The following PRKG1 variants were observed in gnomAD, a reference collection of about 807,000 sequenced individuals.
The protein encoded by PRKG1 is protein kinase cGMP-dependent 1.
A neutral mutation model predicts 88.1 loss-of-function variants in PRKG1; 35 were observed. That is an observed-to-expected ratio of 0.40 (90% CI 0.30 to 0.53). The LOEUF (loss-of-function observed/expected upper bound fraction) is 0.53. Among genes scored for constraint, PRKG1 ranks in the 20% least tolerant of loss-of-function variants. The probability of loss-of-function intolerance (pLI) is 0.59; values close to 1 mark genes in which losing one functional copy is unlikely to be tolerated. For missense variants in PRKG1, 540 were observed against 839.8 expected (o/e 0.64, Z 4.41); for synonymous variants, 303 against 292.5 (o/e 1.04, Z -0.37).
At chr10:52,255,241 T>C (rs1841280334) in intron 10 of PRKG1, among the ~76,000 whole-genome samples, 1 of 152,112 alleles carries the variant, frequency 6.6e-6, no homozygotes, top group Non-Finnish European at 1.5e-5. Flanking sequence ...AAAGTATAAC[T>C]GTAAAATAAG....
chr10:51,006,381 T>C (rs1022073830), intron 1 of PRKG1, among the ~76,000 whole-genome samples: 1 of 152,218 alleles, frequency 6.6e-6, no homozygotes, highest in Non-Finnish European at 1.5e-5. Flanking sequence ...AGCTCATGCA[T>C]GTAATAGATT....
intron 8 of PRKG1, among the ~76,000 whole-genome samples, chr10:52,147,888 T>C (rs1837776999): frequency 6.6e-6 from 1 of 152,084 alleles, no homozygotes; most frequent in Admixed American, 6.6e-5. Context: ...TTAATACAGT[T>C]ATGGTTAGGT....
At chr10:51,698,890 C>CCCAGGG (rs575311852) in intron 3 of PRKG1, 362 of 1,613,934 alleles carry the variant, frequency 2.2e-4, no homozygotes, top group South Asian at 1.1e-3. Context: ...CTGGGCAGAG[C>CCCAGGG]CCAGGGCCAG....
chr10:51,166,150 C>T (rs1177225768), intron 2 of PRKG1, among the ~76,000 whole-genome samples: 1 of 151,394 alleles, frequency 6.6e-6, no homozygotes, highest in Non-Finnish European at 1.5e-5. Flanking sequence ...ATTGCTGATA[C>T]AGATTTATGC....
chr10:51,033,160 C>T (rs57093122), intron 1 of PRKG1, among the ~76,000 whole-genome samples: 4,901 of 152,206 alleles, frequency 0.032, 257 homozygotes, highest in African/African-American at 0.11. Context: ...TATTAAGCCT[C>T]AGTCTCCTAT....
intron 2 of PRKG1, among the ~76,000 whole-genome samples, chr10:51,417,854 G>A (rs1463138228): frequency 7.9e-5 from 12 of 152,096 alleles, no homozygotes; most frequent in Admixed American, 7.9e-4. Context: ...GTATCTCTTG[G>A]TTGGATGAGA....
chr10:51,566,157 A>T (rs1837597884), intron 3 of PRKG1, among the ~76,000 whole-genome samples: 1 of 152,092 alleles, frequency 6.6e-6, no homozygotes, highest in Admixed American at 6.6e-5. Context: ...GGAGGGAGAA[A>T]TTATGGCACA....
chr10:51,647,389 C>T (rs988631676), intron 3 of PRKG1, among the ~76,000 whole-genome samples: 8 of 152,190 alleles, frequency 5.3e-5, no homozygotes, highest in Non-Finnish European at 1.0e-4. Flanking sequence ...AGTATTTGAA[C>T]TTGCCTAACA....
intron 8 of PRKG1, among the ~76,000 whole-genome samples, chr10:52,153,073 G>A (rs970823710): frequency 1.3e-5 from 2 of 152,140 alleles, no homozygotes; most frequent in Admixed American, 1.3e-4. Flanking sequence ...ATATAGGTGG[G>A]GGTGAGAGAG....
intron 6 of PRKG1, among the ~76,000 whole-genome samples, chr10:52,056,033 A>G (rs1846103184): frequency 6.6e-6 from 1 of 152,168 alleles, no homozygotes; most frequent in South Asian, 2.1e-4. Context: ...TATTATTCCT[A>G]TTCTTTTGAC....
At chr10:51,605,080 C>T (rs983674138) in intron 3 of PRKG1, among the ~76,000 whole-genome samples, 8 of 152,190 alleles carry the variant, frequency 5.3e-5, no homozygotes, top group Admixed American at 3.9e-4. Flanking sequence ...CCCCTGGAGT[C>T]GGGCCGCCCA....
chr10:51,778,380 G>A (rs1012008072), intron 3 of PRKG1, among the ~76,000 whole-genome samples: 2 of 152,114 alleles, frequency 1.3e-5, no homozygotes, highest in Non-Finnish European at 2.9e-5. Flanking sequence ...GCCTGCTGTT[G>A]CTACCAGTGC....
intron 5 of PRKG1, chr10:51,909,764 A>G (rs1483486011): frequency 1.3e-5 from 2 of 151,920 alleles, no homozygotes; most frequent in Non-Finnish European, 2.9e-5. Context: ...AAAATCCAAG[A>G]GAAGAGAATA....
intron 9 of PRKG1, among the ~76,000 whole-genome samples, chr10:52,212,451 A>T (rs1190072390): frequency 6.6e-6 from 1 of 152,190 alleles, no homozygotes; most frequent in Non-Finnish European, 1.5e-5. Flanking sequence ...TAATGTAACT[A>T]CCATCACAAA....
chr10:51,274,152 C>T (rs912634966), intron 2 of PRKG1, among the ~76,000 whole-genome samples: 1 of 152,052 alleles, frequency 6.6e-6, no homozygotes, highest in Non-Finnish European at 1.5e-5. Context: ...TTTTTTCTGG[C>T]TATTTATATT....
chr10:51,103,868 T>G (rs1459288982), intron 1 of PRKG1, among the ~76,000 whole-genome samples: 1 of 152,020 alleles, frequency 6.6e-6, no homozygotes, highest in Non-Finnish European at 1.5e-5. Context: ...AAAACAGAAA[T>G]GAACACAAAA....
chr10:51,936,745 C>T (rs1156974253), intron 5 of PRKG1, among the ~76,000 whole-genome samples: 1 of 151,956 alleles, frequency 6.6e-6, no homozygotes, highest in Non-Finnish European at 1.5e-5. Context: ...TTTTTGCTTG[C>T]ATAAACACAT....
In PRKG1 at chr10:50,991,024, G is replaced by C. The variant is rs1432640987; in HGVS notation, c.-355G>C. On this transcript the variant is annotated 5_prime_UTR_variant, in exon 1 of 18. Transcript: ENST00000401604. This position sits in a 1 kb window ranked among gnomAD's most constrained non-coding sequence, Gnocchi z 4.5. The stretch of plus-strand genomic sequence containing the variant: ...GCGTATTCTCACGGAGTGACTAGGA[G>C]AGGGGGACGAGGGAGGGGGTCTCAG... 2 of 224,310 alleles carry C rather than the reference G, an allele frequency of 8.9e-6. No individual in the cohort carries two copies. The highest frequency in any genetic ancestry group is 1.7e-5 in the Non-Finnish European group (2 of 114,608). 13.9% of individuals were successfully genotyped at this position (224,310 alleles called of 1,614,324 possible).
In PRKG1 at chr10:51,843,723, C is replaced by G. The variant is rs753900336; in HGVS notation, c.698+39033C>G. 2.6e-5 allele frequency among the ~76,000 whole-genome samples: 4 copies of G among 152,060 alleles called. No individual in the cohort carries two copies. The East Asian group carries it at 7.7e-4, about 29-fold the overall frequency. ...CCACCATCATCTCTTAACTTGTGAT[C>G]CTACTTGGATTTTTATGTATACTGA... On this transcript the variant is annotated intron_variant, in intron 4 of 17. Coordinates refer to ENST00000373980, the MANE Select transcript of PRKG1 (RefSeq NM_006258.4).
Sources: gnomAD v4.1 joint callset for allele counts (sites outside exome capture counted in the v4.1 genomes callset) on GRCh38, gnomAD v4.1.1 for gene constraint, Gnocchi (gnomAD v3.1) non-coding constraint, MANE v1.5 for transcripts, NCBI Gene and HGNC (gene_info 2026-07-23, HGNC 2026-07-21) for gene names.